Variants in PLXNA4 observed in about 807,000 individuals in gnomAD.
The protein encoded by PLXNA4 is plexin-A4.
In PLXNA4, 44 loss-of-function variants were observed where a neutral mutation model predicts 191.8. The observed-to-expected ratio is 0.23, with a 90% CI of 0.18 to 0.29. PLXNA4 has a LOEUF of 0.29. Among genes scored for constraint, PLXNA4 ranks in the 10% least tolerant of loss-of-function variants. PLXNA4 has a pLI of 1.00. For missense variants in PLXNA4, 1,800 were observed against 2,488.8 expected (o/e 0.72, Z 5.89); for synonymous variants, 1,082 against 1,009.5 (o/e 1.07, Z -1.36).
intron 25 of PLXNA4, among the ~76,000 whole-genome samples, chr7:132,151,268 GGAAGAA>G (rs1473193322): frequency 2.0e-5 from 2 of 101,422 alleles, no homozygotes; most frequent in Non-Finnish European, 4.4e-5. Context: ...AGGAGGAGGA[GGAAGAA>G]GAAGGAGGAG....
chr7:132,519,687 C>T (rs1367340155), intron 1 of PLXNA4, among the ~76,000 whole-genome samples: 1 of 152,198 alleles, frequency 6.6e-6, no homozygotes, highest in Non-Finnish European at 1.5e-5. Flanking sequence ...CAAATGAGCT[C>T]CTTGCTCTCC....
At chr7:132,317,823 C>A (rs1003718042) in intron 3 of PLXNA4, among the ~76,000 whole-genome samples, 2 of 152,178 alleles carry the variant, frequency 1.3e-5, no homozygotes, top group African/African-American at 4.8e-5. Flanking sequence ...TCAGCCTGCT[C>A]CCTCCCTCAG....
At position 132,614,440 on chromosome 7, in the gene PLXNA4, A is replaced by T. The variant is rs73448812; in HGVS notation, c.-87+31488T>A. 2.1e-3 allele frequency among the ~76,000 whole-genome samples: 317 copies of T among 152,364 alleles called. 3 individuals are homozygous for T. The highest frequency in any genetic ancestry group is 7.3e-3 in the African/African-American group (303 of 41,594). ...CAGGCCCACCCTGAAAGATAGCAGG[A>T]TGCAGCAGACAGCGGGTGAACTTGG... On this transcript the variant is annotated intron_variant, in intron 2 of 4. Transcript: ENST00000378539.
At chr7:132,385,488 T>C (rs1047093627) in intron 3 of PLXNA4, among the ~76,000 whole-genome samples, 2 of 152,160 alleles carry the variant, frequency 1.3e-5, no homozygotes, top group Non-Finnish European at 1.5e-5. Context: ...ACAGTTGAAG[T>C]CCAAATCCTG....
intron 2 of PLXNA4, among the ~76,000 whole-genome samples, chr7:132,590,464 C>T (rs1262527922): frequency 1.3e-5 from 2 of 152,194 alleles, no homozygotes; most frequent in East Asian, 3.9e-4. Context: ...GGAAGCCAGG[C>T]TGAGTCCCAA....
rs751528237 is a variant in PLXNA4, at chr7:132,164,238, C to T, written c.4404G>A (p.Gln1468=). Residue 1468 remains glutamine, a synonymous_variant, in exon 24 of 32, where the codon CAG becomes CAA. Coordinates refer to ENST00000321063, the MANE Select transcript of PLXNA4 (RefSeq NM_020911.2). ...TGGCGTCAATGGGGCCCTTCTCCAT[C>T]TGCTGCTTGATGGCACAGAACAGGG... ...LFSLFCAIKQ[Q]MEKGPIDAIT... 39 of 1,614,126 alleles carry T rather than the reference C, an allele frequency of 2.4e-5. No individual in the cohort carries two copies. Among genetic ancestry groups the T allele is most frequent in the Non-Finnish European group, 3.2e-5 (38 of 1,180,046 alleles).
chr7:132,563,712 TCTCCTCCTC>T (rs377563054), intron 1 of PLXNA4, among the ~76,000 whole-genome samples: 3 of 32,480 alleles, frequency 9.2e-5, no homozygotes, highest in Admixed American at 3.5e-4. Context: ...TCCTCCTCCT[TCTCCTCCTC>T]CTCTTCCTCT....
rs1803904990 is a variant in PLXNA4 at position 132,647,721 on chromosome 7, C to A, written c.-203+793G>T. 2.0e-5 allele frequency among the ~76,000 whole-genome samples: 3 copies of A among 151,024 alleles called. No individual in the cohort carries two copies. In the South Asian group the frequency reaches 6.3e-4, roughly 32 times the overall value. ...CACAAACACACACAGTCACAATATA[C>A]TCACATACATTCACACAAGCAATTA... On this transcript the variant is annotated intron_variant, in intron 1 of 4. Coordinates refer to the PLXNA4 transcript ENST00000378539.
At chr7:132,612,490 C>T (rs1803069423) in intron 2 of PLXNA4, among the ~76,000 whole-genome samples, 1 of 151,898 alleles carries the variant, frequency 6.6e-6, no homozygotes, top group Non-Finnish European at 1.5e-5. Flanking sequence ...GTGAAACCTC[C>T]ATCTCTACTG....
At chr7:132,561,584 TTCCTCCTTCTCTTCC>T (rs1343503484) in intron 1 of PLXNA4, among the ~76,000 whole-genome samples, 12 of 68,194 alleles carry the variant, frequency 1.8e-4, no homozygotes, top group Admixed American at 6.5e-4. Flanking sequence ...CCTCCTCCTC[TTCCTCCTTCTCTTCC>T]TCCTCCTTCT....
Position 132,508,350 on chromosome 7 carries a change from T to C in PLXNA4, c.344A>G (p.Asn115Ser), listed in dbSNP as rs1293809219. 6.2e-7 allele frequency: 1 copy of C among 1,614,062 alleles called. No homozygotes were observed. ...CTTGTAGTCTATGAGGAGCATCTTGTTGACATTGTTGGTGGTGGTCAGGGG... is the reference window on the plus strand; with the variant it reads ...CTTGTAGTCTATGAGGAGCATCTTGCTGACATTGTTGGTGGTGGTCAGGGG... ...NEPLTTTNNV[N>S]KMLLIDYKEN... The change falls in exon 2 of 32, where the codon AAC becomes AGC. Residue 115 changes from asparagine to serine, a missense_variant. By Grantham distance (46) the Asn-to-Ser change is conservative. Around this residue, in one of 6 missense-constraint regions of PLXNA4, gnomAD observed 1,397 missense variants for 1,880.4 expected, o/e 0.74. Transcript: ENST00000321063. The surrounding 1 kb of genome is among the most constrained non-coding windows in gnomAD (Gnocchi z 4.4).
At position 132,130,406 on chromosome 7, in the gene PLXNA4, G is replaced by A; in HGVS notation, c.*73C>T. On this transcript the variant is annotated 3_prime_UTR_variant, in exon 32 of 32. Transcript: ENST00000321063. Reference sequence around the variant, plus strand: ...CTGATGCCAGTCGGAACTTGCACTTGGTAAAGATGATAATCTAGACTGAGG... The same window carrying A: ...CTGATGCCAGTCGGAACTTGCACTTAGTAAAGATGATAATCTAGACTGAGG... 6.2e-7 allele frequency: 1 copy of A among 1,605,894 alleles called. No individual in the cohort carries two copies. The highest frequency in any genetic ancestry group is 8.5e-7 in the Non-Finnish European group (1 of 1,173,758).
chr7:132,283,728 A>G (rs1195840309), intron 4 of PLXNA4, among the ~76,000 whole-genome samples: 1 of 152,262 alleles, frequency 6.6e-6, no homozygotes, highest in Non-Finnish European at 1.5e-5. Flanking sequence ...CAATGCACCA[A>G]TCACTCTAGG....
intron 2 of PLXNA4, among the ~76,000 whole-genome samples, chr7:132,619,460 T>A (rs2116864586): frequency 6.6e-6 from 1 of 152,394 alleles, no homozygotes; most frequent in East Asian, 1.9e-4. Context: ...ATTGCTGTTG[T>A]CATTTGTGCT....
chr7:132,621,171 A>G (rs921104647), intron 2 of PLXNA4, among the ~76,000 whole-genome samples: 3 of 152,074 alleles, frequency 2.0e-5, no homozygotes, highest in Non-Finnish European at 2.9e-5. Context: ...CTATAATTCA[A>G]GTGAACCATA....
chr7:132,251,620 G>A (rs532616779), intron 4 of PLXNA4, among the ~76,000 whole-genome samples: 10 of 152,302 alleles, frequency 6.6e-5, no homozygotes, highest in Admixed American at 3.9e-4. Context: ...GCTGACCAGC[G>A]TTCCCAGCAA....
intron 3 of PLXNA4, among the ~76,000 whole-genome samples, chr7:132,366,393 G>A (rs896188776): frequency 1.1e-4 from 16 of 152,032 alleles, no homozygotes; most frequent in East Asian, 5.8e-4. Flanking sequence ...GTGTGGTGGC[G>A]GGTGCCTGTA....
chr7:132,542,567 T>C (rs1800130046), intron 1 of PLXNA4, among the ~76,000 whole-genome samples: 1 of 152,188 alleles, frequency 6.6e-6, no homozygotes, highest in Non-Finnish European at 1.5e-5. Context: ...AGAAAATTCA[T>C]AGCCATTACC....
intron 3 of PLXNA4, among the ~76,000 whole-genome samples, chr7:132,365,410 G>A (rs746470652): frequency 9.2e-5 from 14 of 151,480 alleles, no homozygotes; most frequent in Non-Finnish European, 1.8e-4. Flanking sequence ...GTGGGGTTAG[G>A]CTGAAAGTCA....
Sources: allele counts gnomAD v4.1 joint callset (sites outside exome capture counted in the v4.1 genomes callset), GRCh38; gene constraint gnomAD v4.1.1; regional missense constraint gnomAD v4.1.1; non-coding constraint Gnocchi (gnomAD v3.1); transcripts MANE v1.5; gene names NCBI Gene and HGNC (gene_info 2026-07-23, HGNC 2026-07-21).